ALPK2: variants seen among roughly 807,000 people sequenced by gnomAD.
The protein encoded by ALPK2 is alpha kinase 2.
ALPK2 carries 127 observed loss-of-function variants against 163.1 expected under a neutral mutation model. The ratio of observed to expected loss-of-function variants is 0.78; its 90% confidence interval spans 0.67 to 0.90. ALPK2 has a LOEUF of 0.90. Among genes scored for constraint, ALPK2 ranks in the 40% least tolerant of loss-of-function variants. ALPK2 has a pLI of 0.00. For synonymous variants in ALPK2, 953 were observed against 959.1 expected, an observed-to-expected ratio of 0.99 and a Z score of 0.12; for missense variants, 2,360 against 2,589.6, an observed-to-expected ratio of 0.91 and a Z score of 1.92.
intron 4 of ALPK2, among the ~76,000 whole-genome samples, chr18:58,561,781 T>G (rs1266180299): frequency 6.6e-6 from 1 of 152,176 alleles, no homozygotes; most frequent in Non-Finnish European, 1.5e-5. Context: ...CTTTCTGGTG[T>G]GGCCAAGCAA....
At chr18:58,566,862 G>A (rs1216459619) in intron 4 of ALPK2, among the ~76,000 whole-genome samples, 6 of 152,124 alleles carry the variant, frequency 3.9e-5, no homozygotes, top group Admixed American at 3.3e-4. Flanking sequence ...ATTTCTTGTT[G>A]TTTCCAAACT....
intron 1 of ALPK2, among the ~76,000 whole-genome samples, chr18:58,623,735 G>C (rs1463527154): frequency 6.6e-6 from 1 of 152,216 alleles, no homozygotes; most frequent in Non-Finnish European, 1.5e-5. Flanking sequence ...CAAAATTCTG[G>C]GATTACAGGC....
chr18:58,610,820 C>T (rs2052124899), intron 2 of ALPK2, among the ~76,000 whole-genome samples: 1 of 152,014 alleles, frequency 6.6e-6, no homozygotes, highest in African/African-American at 2.4e-5. Context: ...GCGAGCCAGC[C>T]GCAGTGGCTC....
intron 3 of ALPK2, among the ~76,000 whole-genome samples, chr18:58,588,981 T>C (rs1026231356): frequency 7.9e-5 from 12 of 152,244 alleles, no homozygotes; most frequent in African/African-American, 2.9e-4. Context: ...TGTTTGAATA[T>C]TTTTAGGATA....
rs577214187 is a variant in ALPK2, at chr18:58,534,694, C to G, written c.5353+140G>C. The G allele has an allele frequency of 2.0e-5, 22 of 1,124,718 alleles. No individual in the cohort carries two copies. The East Asian group carries it at 5.1e-4, about 26-fold the overall frequency. The allele number at this position is 1,124,718 out of a possible 1,614,324, so 69.7% of individuals were successfully genotyped here. Reference sequence around the variant, plus strand: ...GTGATTCTGATGCCACATGCTGAAGCCACTTGGCCACAACCATAGCATCAA... The same window carrying G: ...GTGATTCTGATGCCACATGCTGAAGGCACTTGGCCACAACCATAGCATCAA... On this transcript the variant is annotated intron_variant, in intron 5 of 12. Coordinates refer to ENST00000361673, the MANE Select transcript of ALPK2 (RefSeq NM_052947.4).
intron 3 of ALPK2, among the ~76,000 whole-genome samples, chr18:58,586,934 A>C (rs1010086282): frequency 1.3e-5 from 2 of 152,074 alleles, no homozygotes; most frequent in African/African-American, 2.4e-5. Flanking sequence ...GGCCATGCAC[A>C]TGCATAAGGC....
intron 4 of ALPK2, among the ~76,000 whole-genome samples, chr18:58,563,040 A>G (rs1042551470): frequency 2.0e-5 from 3 of 152,248 alleles, no homozygotes; most frequent in African/African-American, 7.2e-5. Flanking sequence ...ATAGCACCTT[A>G]GGATTACAGA....
At chr18:58,534,197 C>G (rs2051630958) in intron 5 of ALPK2, among the ~76,000 whole-genome samples, 1 of 149,574 alleles carries the variant, frequency 6.7e-6, no homozygotes, top group African/African-American at 2.5e-5. Context: ...TGATCAAGGA[C>G]TTTTGAGGCT....
At chr18:58,586,653 G>T (rs1162765197) in intron 3 of ALPK2, among the ~76,000 whole-genome samples, 1 of 151,928 alleles carries the variant, frequency 6.6e-6, no homozygotes, top group African/African-American at 2.4e-5. Context: ...TATTTGACCT[G>T]CCTAGTAATT....
chr18:58,504,256 C>T, intron 10 of ALPK2, 108 bp from the exon 11 acceptor site: 3 of 887,526 alleles, frequency 3.4e-6, no homozygotes, highest in Non-Finnish European at 3.5e-6. Context: ...AATTTGTCCC[C>T]AATTCTGCTA....
At chr18:58,511,855 GA>G (rs1282352140) in intron 10 of ALPK2, 2 of 152,208 alleles carry the variant, frequency 1.3e-5, no homozygotes, top group African/African-American at 4.8e-5. Context: ...CTCATGAGCA[GA>G]ATCTGAGCCA....
chr18:58,546,218 CTCT>C (rs1425034652), intron 4 of ALPK2, among the ~76,000 whole-genome samples: 4 of 152,238 alleles, frequency 2.6e-5, no homozygotes, highest in African/African-American at 9.6e-5. Context: ...ATCTGACCAG[CTCT>C]TCTTCATTCC....
chr18:58,546,579 C>T (rs998920127), intron 4 of ALPK2, among the ~76,000 whole-genome samples: 2 of 152,206 alleles, frequency 1.3e-5, no homozygotes, highest in African/African-American at 2.4e-5. Context: ...GCTTTACTTA[C>T]ATTAATGCAG....
chr18:58,542,578 A>G (rs1004276483), intron 4 of ALPK2, among the ~76,000 whole-genome samples: 1 of 152,244 alleles, frequency 6.6e-6, no homozygotes, highest in African/African-American at 2.4e-5. Context: ...GTGATAGAAG[A>G]GTGCTATAAG....
At chr18:58,583,945 A>G (rs1602229239) in intron 3 of ALPK2, among the ~76,000 whole-genome samples, 1 of 152,164 alleles carries the variant, frequency 6.6e-6, no homozygotes, top group African/African-American at 2.4e-5. Context: ...TGAGAGGCAC[A>G]AGGGGCAGTA....
chr18:58,585,546 A>C (rs1052546174), intron 3 of ALPK2, among the ~76,000 whole-genome samples: 3 of 152,202 alleles, frequency 2.0e-5, no homozygotes, highest in Admixed American at 2.0e-4. Flanking sequence ...GAAAGAAGGA[A>C]TATTTTAATA....
intron 2 of ALPK2, among the ~76,000 whole-genome samples, chr18:58,609,667 G>A (rs947320296): frequency 8.5e-5 from 13 of 152,144 alleles, no homozygotes; most frequent in South Asian, 2.1e-4. Context: ...ATAGGGAAGT[G>A]GTATCTGGTA....
At chr18:58,556,239 T>A (rs2051790594) in intron 4 of ALPK2, among the ~76,000 whole-genome samples, 2 of 152,144 alleles carry the variant, frequency 1.3e-5, no homozygotes, top group Admixed American at 1.3e-4. Flanking sequence ...AAAAATTGTG[T>A]CTCTCCACCC....
chr18:58,559,402 C>T (rs2051813098), intron 4 of ALPK2, among the ~76,000 whole-genome samples: 1 of 112,000 alleles, frequency 8.9e-6, no homozygotes, highest in Admixed American at 7.9e-5. Context: ...CCTGCCCCAG[C>T]TACAACATCC....
Sources: gnomAD v4.1 joint callset for allele counts (sites outside exome capture counted in the v4.1 genomes callset) on GRCh38, gnomAD v4.1.1 for gene constraint, MANE v1.5 for transcripts, NCBI Gene and HGNC (gene_info 2026-07-23, HGNC 2026-07-21) for gene names.